NR5A2: variants seen among roughly 807,000 people sequenced by gnomAD.
The protein encoded by NR5A2 is nuclear receptor subfamily 5 group A member 2, also known as CYP7A promoter-binding factor.
NR5A2 carries 26 observed loss-of-function variants against 62.7 expected under a neutral mutation model. The observed-to-expected ratio is 0.41, with a 90% CI of 0.30 to 0.58. NR5A2 has a LOEUF of 0.58. Ranked by LOEUF, NR5A2 falls within the 20% of genes least tolerant of loss-of-function variation. The pLI is 0.22. For synonymous variants in NR5A2, 246 were observed against 241.7 expected (o/e 1.02, Z -0.16); for missense variants, 541 against 669.1 (o/e 0.81, Z 2.11).
chr1:200,106,573 T>C (rs2102283659), intron 5 of NR5A2, among the ~76,000 whole-genome samples: 1 of 152,346 alleles, frequency 6.6e-6, no homozygotes, highest in South Asian at 2.1e-4. Flanking sequence ...GTGGTATTGC[T>C]AACCACTAGT....
chr1:200,043,262 G>A (rs771950098), intron 2 of NR5A2, among the ~76,000 whole-genome samples: 1 of 152,210 alleles, frequency 6.6e-6, no homozygotes, highest in Non-Finnish European at 1.5e-5. Context: ...GCTGAGAAGC[G>A]GGTTTCTGGG....
chr1:200,135,213 T>C (rs1443395429), intron 7 of NR5A2, among the ~76,000 whole-genome samples: 1 of 152,166 alleles, frequency 6.6e-6, no homozygotes, highest in Non-Finnish European at 1.5e-5. Context: ...GTCTTTTGAC[T>C]TGGGGCCTGA....
chr1:200,129,003 T>C (rs1284156536), intron 7 of NR5A2, among the ~76,000 whole-genome samples: 2 of 152,236 alleles, frequency 1.3e-5, no homozygotes, highest in Non-Finnish European at 2.9e-5. Flanking sequence ...AAATATCTAA[T>C]GCTTCTTTTC....
At chr1:200,154,921 C>G (rs899314605) in intron 7 of NR5A2, among the ~76,000 whole-genome samples, 1 of 152,118 alleles carries the variant, frequency 6.6e-6, no homozygotes, top group Non-Finnish European at 1.5e-5. Flanking sequence ...ATTTTACCTA[C>G]CCAACAAGGT....
Position 200,039,865 on chromosome 1 carries a change from A to C in NR5A2, c.202+70A>C, listed in dbSNP as rs1474415239. Reference sequence around the variant, plus strand: ...CCCCCGGGCTCGCCCTGCAGGCTTCAGCCTCCCGCCCCGCGCGGGCGCGGG... The same window carrying C: ...CCCCCGGGCTCGCCCTGCAGGCTTCCGCCTCCCGCCCCGCGCGGGCGCGGG... On this transcript the variant is annotated intron_variant, in intron 2 of 7. Coordinates refer to ENST00000367362, the MANE Select transcript of NR5A2 (RefSeq NM_205860.3). This position sits in a 1 kb window ranked among gnomAD's most constrained non-coding sequence, Gnocchi z 5.1. 6 of 1,497,146 alleles carry C rather than the reference A, an allele frequency of 4.0e-6. No individual in the cohort carries two copies. The highest frequency in any genetic ancestry group is 5.3e-5 in the Admixed American group (2 of 37,572). 92.7% of individuals were successfully genotyped at this position (1,497,146 alleles called of 1,614,324 possible).
At chr1:200,109,508 A>C (rs1434202310) in intron 5 of NR5A2, among the ~76,000 whole-genome samples, 3 of 152,252 alleles carry the variant, frequency 2.0e-5, no homozygotes, top group Admixed American at 2.0e-4. Context: ...TCATAGCTAG[A>C]AAGTGTGGAA....
At chr1:200,152,262 C>T (rs1293910177) in intron 7 of NR5A2, among the ~76,000 whole-genome samples, 1 of 152,092 alleles carries the variant, frequency 6.6e-6, no homozygotes, top group Non-Finnish European at 1.5e-5. Context: ...ATCATAAATC[C>T]CATGGAATTC....
intron 7 of NR5A2, among the ~76,000 whole-genome samples, chr1:200,156,359 A>G (rs1005633864): frequency 6.6e-6 from 1 of 152,198 alleles, no homozygotes; most frequent in African/African-American, 2.4e-5. Context: ...CTGCAAAGCA[A>G]TCCACATCCA....
At position 200,164,127 on chromosome 1, in the gene NR5A2, C is replaced by G. The variant is rs141799571; in HGVS notation, c.1379-9836C>G. ...GCCTTCACCATGTGATGTGCCTGCCCCACCCTCACCCGCCACCATGATTTT... is the reference window on the plus strand; with the variant it reads ...GCCTTCACCATGTGATGTGCCTGCCGCACCCTCACCCGCCACCATGATTTT... On this transcript the variant is annotated intron_variant, in intron 7 of 7. Transcript: ENST00000367362. Among the ~76,000 whole-genome samples, 401 of 152,242 alleles carry G rather than the reference C, an allele frequency of 2.6e-3. 2 individuals carry two copies. The highest frequency in any genetic ancestry group is 9.2e-3 in the African/African-American group (381 of 41,520).
rs11411913 is a variant in NR5A2, at chr1:200,106,064, C to CTTT, written c.1111-5129_1111-5127dup. Among the ~76,000 whole-genome samples the CTTT allele has an allele frequency of 1.5e-3, 217 of 147,636 alleles. 1 individual carries two copies. The highest frequency in any genetic ancestry group is 4.9e-3 in the African/African-American group (196 of 40,050). ...CTAATTGTTGGCCAGATTCACTCTT[C>CTTT]TTTTTTTTTTTGAGACAGAGTCTTG... On this transcript the variant is annotated intron_variant, in intron 5 of 7. Coordinates refer to ENST00000367362, the MANE Select transcript of NR5A2 (RefSeq NM_205860.3).
chr1:200,132,958 T>A (rs1667028497), intron 7 of NR5A2, among the ~76,000 whole-genome samples: 1 of 152,170 alleles, frequency 6.6e-6, no homozygotes, highest in Admixed American at 6.5e-5. Context: ...CAAACACGTC[T>A]TATTTCTGAG....
chr1:200,057,211 C>T (rs952431626), intron 5 of NR5A2, among the ~76,000 whole-genome samples: 6 of 152,112 alleles, frequency 3.9e-5, no homozygotes, highest in African/African-American at 1.4e-4. Flanking sequence ...TTGCTCTGCT[C>T]TAGGTCATAT....
rs573187024 is a variant in NR5A2 at position 200,119,787 on chromosome 1, C to A, written c.1231-1021C>A. Among the ~76,000 whole-genome samples the A allele has an allele frequency of 1.1e-3, 173 of 152,298 alleles. 1 individual carries two copies. The highest frequency in any genetic ancestry group is 4.0e-3 in the African/African-American group (165 of 41,572). On this transcript the variant is annotated intron_variant, in intron 6 of 7. Coordinates refer to ENST00000367362, the MANE Select transcript of NR5A2 (RefSeq NM_205860.3). Reference sequence around the variant, plus strand: ...GATTACAGGCACATGCCACCACGCCCAGCCAATTTTTGTATTTTTAGTAGA... The same window carrying A: ...GATTACAGGCACATGCCACCACGCCAAGCCAATTTTTGTATTTTTAGTAGA...
chr1:200,091,484 CTTT>C (rs35491701), intron 5 of NR5A2, among the ~76,000 whole-genome samples: 4 of 126,480 alleles, frequency 3.2e-5, no homozygotes, highest in Non-Finnish European at 3.3e-5. Flanking sequence ...TGCTCTCTTT[CTTT>C]TTTTTTTTTT....
At chr1:200,125,603 A>G (rs141748881) in intron 7 of NR5A2, among the ~76,000 whole-genome samples, 529 of 152,308 alleles carry the variant, frequency 3.5e-3, no homozygotes, top group Middle Eastern at 0.031. Flanking sequence ...AACTGATTGA[A>G]GAGTTGCTTG....
chr1:200,108,036 A>C (rs1353977929), intron 5 of NR5A2, among the ~76,000 whole-genome samples: 1 of 151,864 alleles, frequency 6.6e-6, no homozygotes, highest in Non-Finnish European at 1.5e-5. Flanking sequence ...CATCAAATGC[A>C]AATGAAGAGG....
intron 5 of NR5A2, among the ~76,000 whole-genome samples, chr1:200,070,791 G>A (rs1430656017): frequency 7.0e-6 from 1 of 143,358 alleles, no homozygotes; most frequent in Non-Finnish European, 1.5e-5. Flanking sequence ...ACCTGATTTA[G>A]AGCTGGTTTA....
intron 2 of NR5A2, chr1:200,042,875 G>A: frequency 1.0e-6 from 1 of 985,536 alleles, no homozygotes; most frequent in Non-Finnish European, 1.2e-6. Flanking sequence ...GTCTGCGTCC[G>A]GAGCAAGGCG....
At chr1:200,037,457 G>T (rs190440299) in intron 1 of NR5A2, among the ~76,000 whole-genome samples, 1 of 152,222 alleles carries the variant, frequency 6.6e-6, no homozygotes, top group Non-Finnish European at 1.5e-5. Context: ...TAAATTCTTC[G>T]CATTGCTGTG....
Sources: allele counts gnomAD v4.1 joint callset (sites outside exome capture counted in the v4.1 genomes callset), GRCh38; gene constraint gnomAD v4.1.1; non-coding constraint Gnocchi (gnomAD v3.1); transcripts MANE v1.5; gene names NCBI Gene and HGNC (gene_info 2026-07-23, HGNC 2026-07-21).